Variants in NRXN1 observed in about 807,000 individuals in gnomAD.
NRXN1 encodes neurexin 1.
In NRXN1, 39 loss-of-function variants were observed where a neutral mutation model predicts 150.9. The observed-to-expected ratio is 0.26, with a 90% CI of 0.20 to 0.34. NRXN1 has a LOEUF of 0.34. Ranked by LOEUF, NRXN1 falls within the 10% of genes least tolerant of loss-of-function variation. The pLI is 1.00. For missense variants in NRXN1, 1,815 were observed against 1,949.9 expected (o/e 0.93, Z 1.30); for synonymous variants, 924 against 757.0 (o/e 1.22, Z -3.62).
intron 13 of NRXN1, among the ~76,000 whole-genome samples, chr2:50,499,562 A>G (rs978161922): frequency 4.1e-5 from 6 of 144,902 alleles, no homozygotes; most frequent in African/African-American, 1.5e-4. Flanking sequence ...TTGGTAAAAA[A>G]TAAAATTAAT....
intron 21 of NRXN1, among the ~76,000 whole-genome samples, chr2:50,033,088 T>G (rs1488044154): frequency 6.6e-6 from 1 of 151,950 alleles, no homozygotes; most frequent in African/African-American, 2.4e-5. Context: ...CTCTATTAAC[T>G]AAAATTTAAG....
chr2:50,187,954 G>T (rs572758508), intron 18 of NRXN1, among the ~76,000 whole-genome samples: 1 of 152,090 alleles, frequency 6.6e-6, no homozygotes, highest in Non-Finnish European at 1.5e-5. Flanking sequence ...CTTTGCTGAA[G>T]TTGCTTATTA....
At chr2:50,961,728 T>C (rs1234642331) in intron 2 of NRXN1, among the ~76,000 whole-genome samples, 1 of 151,806 alleles carries the variant, frequency 6.6e-6, no homozygotes, top group Non-Finnish European at 1.5e-5. Flanking sequence ...TCTCTGCTTC[T>C]GGCCCAAAAT....
intron 2 of NRXN1, among the ~76,000 whole-genome samples, chr2:50,989,569 T>C (rs1382853380): frequency 3.3e-5 from 5 of 151,950 alleles, no homozygotes; most frequent in African/African-American, 7.2e-5. Context: ...GACTTCTGAG[T>C]TGGTTTCTTG....
intron 5 of NRXN1, among the ~76,000 whole-genome samples, chr2:50,820,745 T>A (rs2105823588): frequency 6.6e-6 from 1 of 152,188 alleles, no homozygotes; most frequent in Admixed American, 6.5e-5. Flanking sequence ...CCTGGTGTGA[T>A]TTCAGGTTCC....
chr2:50,347,146 A>C lies in NRXN1; in HGVS notation c.3365-110176T>G. 7.3e-7 allele frequency: 1 copy of C among 1,379,006 alleles called. No individual in the cohort carries two copies. Among genetic ancestry groups the C allele is most frequent in the Non-Finnish European group, 9.5e-7 (1 of 1,048,182 alleles). The allele number at this position is 1,379,006 out of a possible 1,614,324, so 85.4% of individuals were successfully genotyped here. Reference sequence around the variant, plus strand: ...GTCCGCCGTGCCTAGCACCCCAAACAATCCGAAACATAGCCGAGGCGAATG... The same window carrying C: ...GTCCGCCGTGCCTAGCACCCCAAACCATCCGAAACATAGCCGAGGCGAATG... On this transcript the variant is annotated intron_variant, in intron 17 of 22. Coordinates refer to ENST00000401669, the MANE Select transcript of NRXN1 (RefSeq NM_001330078.2). The surrounding 1 kb of genome is among the most constrained non-coding windows in gnomAD (Gnocchi z 4.9).
intron 5 of NRXN1, among the ~76,000 whole-genome samples, chr2:50,714,393 C>T (rs1695590762): frequency 6.6e-6 from 1 of 151,926 alleles, no homozygotes; most frequent in African/African-American, 2.4e-5. Flanking sequence ...GAAGGTAACC[C>T]CTTCTTGACC....
chr2:50,913,885 T>C (rs1249215325), intron 5 of NRXN1, among the ~76,000 whole-genome samples: 1 of 151,748 alleles, frequency 6.6e-6, no homozygotes, highest in Non-Finnish European at 1.5e-5. Flanking sequence ...TTTCTTAATA[T>C]AAACCGTGAA....
chr2:50,949,286 A>G (rs963203898), intron 2 of NRXN1, among the ~76,000 whole-genome samples: 1 of 152,080 alleles, frequency 6.6e-6, no homozygotes, highest in Non-Finnish European at 1.5e-5. Context: ...GGATTTAGTT[A>G]AACAAAAAGG....
intron 5 of NRXN1, among the ~76,000 whole-genome samples, chr2:50,639,500 T>G (rs1683756961): frequency 6.6e-6 from 1 of 151,930 alleles, no homozygotes; most frequent in South Asian, 2.1e-4. Flanking sequence ...AGATTATAGG[T>G]GTAAGCCACC....
intron 8 of NRXN1, among the ~76,000 whole-genome samples, chr2:50,594,172 G>A (rs953189910): frequency 6.6e-6 from 1 of 152,174 alleles, no homozygotes; most frequent in African/African-American, 2.4e-5. Flanking sequence ...GCCTCGGGCA[G>A]TTCTTTAGAG....
At chr2:50,140,190 T>G (rs1031011786) in intron 18 of NRXN1, among the ~76,000 whole-genome samples, 6 of 152,156 alleles carry the variant, frequency 3.9e-5, no homozygotes, top group African/African-American at 1.4e-4. Context: ...TTAAAATGAT[T>G]ATTATTAACA....
chr2:50,142,563 A>G (rs1355836773), intron 18 of NRXN1, among the ~76,000 whole-genome samples: 3 of 151,972 alleles, frequency 2.0e-5, no homozygotes, highest in Admixed American at 6.6e-5. Flanking sequence ...ATAACAAAAT[A>G]TCACATGTAC....
intron 17 of NRXN1, among the ~76,000 whole-genome samples, chr2:50,402,159 A>G (rs1048612789): frequency 5.9e-5 from 9 of 152,148 alleles, no homozygotes; most frequent in African/African-American, 2.2e-4. Context: ...GTAGCAGAAG[A>G]AAAATAAAGG....
At position 50,989,208 on chromosome 2, in the gene NRXN1, T is replaced by C. The variant is rs138492156; in HGVS notation, c.772+38294A>G. Among the ~76,000 whole-genome samples, 407 of 152,144 alleles carry C rather than the reference T, an allele frequency of 2.7e-3. 2 individuals carry two copies. Among genetic ancestry groups the C allele is most frequent in the African/African-American group, 9.4e-3 (390 of 41,546 alleles). On this transcript the variant is annotated intron_variant, in intron 2 of 22. Transcript: ENST00000401669. ...TTTTGTTTTAATGTCTCCAAGAATT[T>C]ACTAATGACAGTAAAATAAGCAGAT...
chr2:49,954,023 T>TA (rs1471143764), intron 21 of NRXN1, among the ~76,000 whole-genome samples: 3 of 151,966 alleles, frequency 2.0e-5, no homozygotes, highest in Non-Finnish European at 4.4e-5. Flanking sequence ...TAAGAAAAAA[T>TA]AAAAAAATTA....
chr2:50,719,205 T>C (rs1293612113), intron 5 of NRXN1, among the ~76,000 whole-genome samples: 6 of 151,878 alleles, frequency 4.0e-5, no homozygotes, highest in Non-Finnish European at 8.8e-5. Context: ...CCTCAACTAT[T>C]ATTATTTTCT....
At chr2:50,587,546 C>T (rs1673375198) in intron 8 of NRXN1, among the ~76,000 whole-genome samples, 1 of 152,118 alleles carries the variant, frequency 6.6e-6, no homozygotes, top group East Asian at 1.9e-4. Context: ...AACCAAGACT[C>T]ATACCATCGG....
At chr2:49,960,893 A>G (rs977570957) in intron 21 of NRXN1, among the ~76,000 whole-genome samples, 1 of 152,162 alleles carries the variant, frequency 6.6e-6, no homozygotes, top group Non-Finnish European at 1.5e-5. Flanking sequence ...TTCCCCATAA[A>G]TGGAATCCAT....
Sources: allele counts gnomAD v4.1 joint callset (sites outside exome capture counted in the v4.1 genomes callset), GRCh38; gene constraint gnomAD v4.1.1; non-coding constraint Gnocchi (gnomAD v3.1); transcripts MANE v1.5; gene names NCBI Gene and HGNC (gene_info 2026-07-23, HGNC 2026-07-21).